The following COL6A2 variants were observed in gnomAD, a reference collection of about 807,000 sequenced individuals.
COL6A2 encodes the protein collagen alpha-2(VI) chain.
COL6A2 carries 90 observed loss-of-function variants against 124.9 expected under a neutral mutation model. That is an observed-to-expected ratio of 0.72 (90% CI 0.61 to 0.86). COL6A2 has a LOEUF of 0.86. COL6A2 is among the 40% of genes least tolerant of loss of function. COL6A2 has a pLI of 0.00. For synonymous variants in COL6A2, 793 were observed against 618.2 expected (o/e 1.28, Z -4.19); for missense variants, 1,607 against 1,502.5 (o/e 1.07, Z -1.15).
At position 46,116,804 on chromosome 21, in the gene COL6A2, A is replaced by T; in HGVS notation, c.989A>T (p.Asp330Val). Reference protein sequence around the residue: ...APGLAGKNGTDGQKGKLGRIG... With the variant: ...APGLAGKNGTVGQKGKLGRIG... Reference sequence around the variant, plus strand: ...GGCCTGGCTGGCAAGAACGGGACCGATGGACAGAAGGTAGAGGGAGCCTCG... The same window carrying T: ...GGCCTGGCTGGCAAGAACGGGACCGTTGGACAGAAGGTAGAGGGAGCCTCG... The change falls in exon 10 of 28, where the codon GAT (aspartate) becomes GTT (valine). Residue 330 changes from aspartate (D) to valine (V), a missense_variant. Physicochemically the swap from Asp to Val is radical, Grantham distance 152 (BLOSUM62 -3). Around this residue, in one of 3 missense-constraint regions of COL6A2, gnomAD observed 1,223 missense variants for 1,052.2 expected, o/e 1.16. Coordinates refer to ENST00000300527, the MANE Select transcript of COL6A2 (RefSeq NM_001849.4). The surrounding 1 kb of genome is among the most constrained non-coding windows in gnomAD (Gnocchi z 4.6). The T allele has an allele frequency of 3.1e-6, 5 of 1,612,894 alleles. No individual in the cohort carries two copies. The highest frequency in any genetic ancestry group is 4.2e-6 in the Non-Finnish European group (5 of 1,179,998).
Position 46,112,175 on chromosome 21 carries a change from G to A in COL6A2, c.312G>A (p.Gln104=), listed in dbSNP as rs754984052. 5 of 1,613,022 alleles carry A rather than the reference G, an allele frequency of 3.1e-6. No individual in the cohort carries two copies. In the South Asian group the frequency reaches 5.5e-5, roughly 18 times the overall value. ...ACGGCGGCCTGCACTTCTCTGACCAGGTGGAGGTGTTCAGCCCACCGGGCA... is the reference window on the plus strand; with the variant it reads ...ACGGCGGCCTGCACTTCTCTGACCAAGTGGAGGTGTTCAGCCCACCGGGCA... ...WRYGGLHFSD[Q]VEVFSPPGSD... Residue 104 remains glutamine, a synonymous_variant, in exon 3 of 28, where the codon CAG becomes CAA. Transcript: ENST00000300527.
intron 23 of COL6A2, 44 bp from the exon 24 acceptor site, chr21:46,125,222 C>T (rs772990038): frequency 1.3e-6 from 2 of 1,592,916 alleles, no homozygotes; most frequent in South Asian, 2.2e-5. Flanking sequence ...GGAAACTCTT[C>T]TGGGGCCCCG....
chr21:46,117,634 G>C, intron 11 of COL6A2, 181 bp downstream of exon 11: 1 of 764,478 alleles, frequency 1.3e-6, no homozygotes, highest in Middle Eastern at 3.6e-4. Flanking sequence ...ACTCCCCCTG[G>C]GAGCTCCTGG....
At chr21:46,127,519 CCCA>C (rs1166838039) in intron 27 of COL6A2, among the ~76,000 whole-genome samples, 1 of 152,086 alleles carries the variant, frequency 6.6e-6, no homozygotes, top group Non-Finnish European at 1.5e-5. Flanking sequence ...AGCCTCTGGC[CCCA>C]CAACAGTGGG....
intron 5 of COL6A2, 32 bp downstream of exon 5, chr21:46,114,105 G>A (rs369323164): frequency 7.5e-5 from 119 of 1,576,642 alleles, no homozygotes; most frequent in Admixed American, 2.2e-4. Context: ...CAGGGTCTGC[G>A]CTACCAGGAA....
intron 11 of COL6A2, 53 bp from the exon 12 acceptor site, chr21:46,117,821 G>A: frequency 1.3e-6 from 2 of 1,566,238 alleles, no homozygotes; most frequent in Non-Finnish European, 1.7e-6. Flanking sequence ...CCTGGCTCAT[G>A]GGGAGAACCC....
intron 4 of COL6A2, 99 bp from the exon 5 acceptor site, chr21:46,113,907 GCC>G: frequency 1.0e-6 from 1 of 967,336 alleles, no homozygotes; most frequent in East Asian, 2.4e-5. Context: ...CATCTCCTTG[GCC>G]CCTGCTGAGA....
Position 46,121,626 on chromosome 21 carries a change from C to T in COL6A2, c.1521+8C>T. The stretch of plus-strand genomic sequence containing the variant: ...GGACAGCCAGGCCCCAAGGTACGTG[C>T]CCCTCCCCCAGCAGGACGTATTAGG... On this transcript the variant is annotated splice_region_variant and intron_variant, in intron 18 of 27. Coordinates refer to ENST00000300527, the MANE Select transcript of COL6A2 (RefSeq NM_001849.4). The T allele has an allele frequency of 6.2e-7, 1 of 1,612,564 alleles. No individual in the cohort carries two copies.
intron 1 of COL6A2, among the ~76,000 whole-genome samples, chr21:46,110,862 G>A (rs544785688): frequency 1.3e-5 from 2 of 152,388 alleles, no homozygotes; most frequent in African/African-American, 4.8e-5. Context: ...ACGTTCAAGG[G>A]CTGGATCTGT....
chr21:46,119,692 A>G, intron 14 of COL6A2, 96 bp from the exon 15 acceptor site: 1 of 1,129,372 alleles, frequency 8.9e-7, no homozygotes, highest in Non-Finnish European at 1.3e-6. Context: ...GCCCTCCTGT[A>G]GAGAAGGAGC....
In COL6A2 at chr21:46,112,350, G is replaced by A. The variant is rs769456044; in HGVS notation, c.487G>A (p.Gly163Ser). The A allele has an allele frequency of 1.2e-5, 19 of 1,609,280 alleles. No homozygotes were observed. The highest frequency in any genetic ancestry group is 1.0e-4 in the Admixed American group (6 of 59,870). ...CCACTTCGCCGTGGTCATCACCGAC[G>A]GCCACGTCACCGGCAGCCCCTGCGG... ...TVHFAVVITD[G>S]HVTGSPCGGI... Residue 163 changes from glycine to serine, a missense_variant, in exon 3 of 28, where the codon GGC (glycine) becomes AGC (serine). Physicochemically the swap from Gly to Ser is moderately conservative, Grantham distance 56. This residue lies in a region of COL6A2 where 342 missense variants were observed against 381.5 expected (regional missense o/e 0.90). Coordinates refer to ENST00000300527, the MANE Select transcript of COL6A2 (RefSeq NM_001849.4).
chr21:46,126,610 G>T, intron 27 of COL6A2, 69 bp downstream of exon 27: 1 of 1,594,440 alleles, frequency 6.3e-7, no homozygotes, highest in East Asian at 2.2e-5. Flanking sequence ...CCTCCTCGAG[G>T]GCCGGGCTGG....
intron 16 of COL6A2, 126 bp downstream of exon 16, chr21:46,120,703 C>T (rs1464172118): frequency 7.5e-6 from 7 of 936,620 alleles, no homozygotes. Context: ...TGCTGCACCC[C>T]AAGGTAAGGG....
intron 1 of COL6A2, among the ~76,000 whole-genome samples, chr21:46,103,121 A>G (rs954067848): frequency 6.6e-6 from 1 of 152,110 alleles, no homozygotes; most frequent in East Asian, 1.9e-4. Flanking sequence ...CAGATTTTCT[A>G]TTTCTTCATG....
chr21:46,112,470 G>A lies in COL6A2; in HGVS notation c.607G>A (p.Asp203Asn), dbSNP rs1290796007. 1.6e-5 allele frequency: 25 copies of A among 1,610,742 alleles called. No individual in the cohort carries two copies. The highest frequency in any genetic ancestry group is 1.9e-5 in the Non-Finnish European group (22 of 1,179,778). Residue 203 changes from aspartate (D) to asparagine (N), a missense_variant, in exon 3 of 28, where the codon GAC becomes AAC. This residue lies in a region of COL6A2 where 342 missense variants were observed against 381.5 expected (regional missense o/e 0.90). Transcript: ENST00000300527. ...NQNLKEQGLR[D>N]IASTPHELYR... is the part of the protein sequence containing the mutation. ...GAACCTGAAGGAGCAGGGCCTGCGG[G>A]ACATCGCCAGCACGCCGCACGAGCT...
Position 46,129,596 on chromosome 21 carries a change from G to T in COL6A2, c.2462-2358G>T, listed in dbSNP as rs7717. The T allele has an allele frequency of 1.1e-5, 16 of 1,436,850 alleles. No individual in the cohort carries two copies. In the African/African-American group the frequency reaches 1.4e-4, roughly 13 times the overall value. The allele number at this position is 1,436,850 out of a possible 1,614,324, so 89.0% of individuals were successfully genotyped here. On this transcript the variant is annotated intron_variant, in intron 27 of 27. Transcript: ENST00000300527. ...CAGTGGAGGCCAGAGATCTGGAATC[G>T]GGGTCAGCGGGGCTACAGTCCTTCC... is the stretch of plus-strand genomic sequence containing the variant.
At chr21:46,131,236 C>T (rs1011599347) in intron 27 of COL6A2, among the ~76,000 whole-genome samples, 32 of 152,242 alleles carry the variant, frequency 2.1e-4, no homozygotes, top group African/African-American at 7.2e-4. Flanking sequence ...TCTGGCCCCA[C>T]GTGACACCCA....
At chr21:46,130,759 G>A (rs962226694) in intron 27 of COL6A2, among the ~76,000 whole-genome samples, 27 of 152,156 alleles carry the variant, frequency 1.8e-4, no homozygotes, top group Non-Finnish European at 2.4e-4. Flanking sequence ...GAAGCCCAGC[G>A]GTACCTGAGG....
At chr21:46,129,295 T>G in intron 27 of COL6A2, 1 of 1,612,906 alleles carries the variant, frequency 6.2e-7, no homozygotes, top group Non-Finnish European at 8.5e-7. Context: ...ATCCAACAGT[T>G]GCTAAACGCC....
Sources: allele counts gnomAD v4.1 joint callset (sites outside exome capture counted in the v4.1 genomes callset), GRCh38; gene constraint gnomAD v4.1.1; regional missense constraint gnomAD v4.1.1; non-coding constraint Gnocchi (gnomAD v3.1); transcripts MANE v1.5; gene names NCBI Gene and HGNC (gene_info 2026-07-23, HGNC 2026-07-21).